The following FRAS1 variants were observed in gnomAD, a reference collection of about 807,000 sequenced individuals.
FRAS1 encodes Fraser extracellular matrix complex subunit 1.
FRAS1 carries 290 observed loss-of-function variants against 435.2 expected under a neutral mutation model. That is an observed-to-expected ratio of 0.67 (90% CI 0.61 to 0.73). The LOEUF is 0.73. FRAS1 is among the 30% of genes least tolerant of loss of function. The pLI, the probability that FRAS1 is intolerant of heterozygous loss-of-function variation, is 0.00. For synonymous variants in FRAS1, 1,800 were observed against 1,851.0 expected (o/e 0.97, Z 0.71); for missense variants, 4,860 against 5,001.5 (o/e 0.97, Z 0.85).
chr4:78,509,396 T>A (rs563068358), intron 63 of FRAS1, among the ~76,000 whole-genome samples: 1 of 152,360 alleles, frequency 6.6e-6, no homozygotes, highest in East Asian at 1.9e-4. Flanking sequence ...TGTTGATTAC[T>A]ATTAATGTAT....
Position 78,489,092 on chromosome 4 carries a change from G to A in FRAS1, c.8958+12G>A. 1 of 1,602,452 alleles carries A rather than the reference G, an allele frequency of 6.2e-7. No homozygotes were observed. The highest frequency in any genetic ancestry group is 2.2e-5 in the East Asian group (1 of 44,708). ...TCAAAGGGGACAAAGTAAGTGGATT[G>A]GTGGTGGCTGAAAGATGAGATTCTC... On this transcript the variant is annotated intron_variant, in intron 59 of 73. Coordinates refer to ENST00000512123, the MANE Select transcript of FRAS1 (RefSeq NM_025074.7).
At chr4:78,138,194 G>A (rs1339207599) in intron 2 of FRAS1, among the ~76,000 whole-genome samples, 2 of 152,188 alleles carry the variant, frequency 1.3e-5, no homozygotes, top group East Asian at 1.9e-4. Flanking sequence ...TGCCCATCAC[G>A]TAATTTTTGC....
chr4:78,499,235 A>G (rs772474303), intron 60 of FRAS1, among the ~76,000 whole-genome samples: 3 of 152,196 alleles, frequency 2.0e-5, no homozygotes, highest in Non-Finnish European at 4.4e-5. Flanking sequence ...GGTCCAAAGG[A>G]CCAGAGGTGA....
chr4:78,265,527 G>C (rs1345209199), intron 7 of FRAS1, among the ~76,000 whole-genome samples: 2 of 152,210 alleles, frequency 1.3e-5, no homozygotes, highest in Non-Finnish European at 2.9e-5. Flanking sequence ...AAACCTGGCG[G>C]TGGTAGAAGA....
At chr4:78,097,247 TC>T (rs1741858023) in intron 2 of FRAS1, among the ~76,000 whole-genome samples, 1 of 152,238 alleles carries the variant, frequency 6.6e-6, no homozygotes, top group African/African-American at 2.4e-5. Context: ...CATATCATTA[TC>T]AGCATTTTGG....
chr4:78,093,276 G>GCCAAAACTGTGCTA (rs1741624710), intron 2 of FRAS1, among the ~76,000 whole-genome samples: 1 of 152,212 alleles, frequency 6.6e-6, no homozygotes, highest in Admixed American at 6.5e-5. Flanking sequence ...AACTGGTAGA[G>GCCAAAACTGTGCTA]CCAAAACTGT....
At chr4:78,315,350 G>A (rs186047829) in intron 15 of FRAS1, among the ~76,000 whole-genome samples, 2 of 152,162 alleles carry the variant, frequency 1.3e-5, no homozygotes, top group Non-Finnish European at 1.5e-5. Flanking sequence ...TTACACTGGT[G>A]GGTGTGCCTG....
chr4:78,093,635 T>C (rs1364989366), intron 2 of FRAS1, among the ~76,000 whole-genome samples: 1 of 152,194 alleles, frequency 6.6e-6, no homozygotes, highest in Non-Finnish European at 1.5e-5. Flanking sequence ...CATTTTATTT[T>C]AAATTTTTTA....
At chr4:78,271,078 A>C (rs531157548) in intron 9 of FRAS1, among the ~76,000 whole-genome samples, 2 of 152,318 alleles carry the variant, frequency 1.3e-5, no homozygotes, top group East Asian at 3.9e-4. Context: ...GCTACCAAAG[A>C]CATCCAGTGC....
intron 2 of FRAS1, among the ~76,000 whole-genome samples, chr4:78,115,088 A>G (rs1452773749): frequency 6.6e-6 from 1 of 151,944 alleles, no homozygotes; most frequent in African/African-American, 2.4e-5. Context: ...TGAGATAATC[A>G]TGTGGTTTTT....
chr4:78,110,446 G>A (rs1261563674), intron 2 of FRAS1, among the ~76,000 whole-genome samples: 3 of 100,598 alleles, frequency 3.0e-5, no homozygotes, highest in African/African-American at 4.3e-5. Flanking sequence ...AAATAATGCC[G>A]CATGTCTACA....
chr4:78,325,933 C>T (rs1363147762), intron 18 of FRAS1, among the ~76,000 whole-genome samples: 1 of 152,090 alleles, frequency 6.6e-6, no homozygotes, highest in Non-Finnish European at 1.5e-5. Context: ...AGTGCAAAGG[C>T]GGGTTTGGAG....
At chr4:78,155,029 A>G (rs549793849) in intron 2 of FRAS1, among the ~76,000 whole-genome samples, 14 of 152,310 alleles carry the variant, frequency 9.2e-5, no homozygotes, top group African/African-American at 3.4e-4. Context: ...TGAGTCAGGC[A>G]TAGGATTGCT....
intron 2 of FRAS1, among the ~76,000 whole-genome samples, chr4:78,195,964 C>CT (rs1028145145): frequency 7.3e-5 from 10 of 137,880 alleles, no homozygotes; most frequent in African/African-American, 1.6e-4. Context: ...TTTTTTTTTA[C>CT]TTTTTTTTAA....
At position 78,438,913 on chromosome 4, in the gene FRAS1, T is replaced by C. The variant is rs1734540873; in HGVS notation, c.5378T>C (p.Val1793Ala). The C allele has an allele frequency of 6.2e-7, 1 of 1,605,800 alleles. No homozygotes were observed. Among genetic ancestry groups the C allele is most frequent in the East Asian group, 2.2e-5 (1 of 44,858 alleles). ...INNKKIRYSA[V>A]FETDGHLVTD... is the part of the protein sequence containing the mutation. ...TTGTTTTTTTATAGATACTCAGCTG[T>C]GTTTGAAACTGATGGTCATCTGGTT... The change falls in exon 40 of 74, where the codon GTG becomes GCG. Residue 1793 changes from valine to alanine, a missense_variant. Physicochemically the swap from Val to Ala is moderately conservative, Grantham distance 64 (BLOSUM62 0). Transcript: ENST00000512123.
chr4:78,205,532 G>C (rs1025257594), intron 2 of FRAS1, among the ~76,000 whole-genome samples: 15 of 152,238 alleles, frequency 9.9e-5, no homozygotes, highest in African/African-American at 3.6e-4. Flanking sequence ...CTCTGAAAGA[G>C]AAATGTTCTT....
intron 67 of FRAS1, among the ~76,000 whole-genome samples, chr4:78,519,978 C>T (rs959755456): frequency 1.3e-5 from 2 of 152,156 alleles, no homozygotes; most frequent in Non-Finnish European, 2.9e-5. Flanking sequence ...GGATTTTAAC[C>T]TTCCGAAGTC....
Position 78,058,002 on chromosome 4 carries a change from A to C in FRAS1, c.-8A>C. 6.2e-7 allele frequency: 1 copy of C among 1,613,618 alleles called. No individual in the cohort carries two copies. The highest frequency in any genetic ancestry group is 8.5e-7 in the Non-Finnish European group (1 of 1,179,690). On this transcript the variant is annotated 5_prime_UTR_variant, in exon 1 of 74. Coordinates refer to ENST00000512123, the MANE Select transcript of FRAS1 (RefSeq NM_025074.7). Reference sequence around the variant, plus strand: ...CTGGGCTCCTCCATCGTGGGTGCCGAGGCGGCGATGGGTGTCCTCAAAGTG... The same window carrying C: ...CTGGGCTCCTCCATCGTGGGTGCCGCGGCGGCGATGGGTGTCCTCAAAGTG...
At chr4:78,502,928 C>T (rs1025145372) in intron 61 of FRAS1, among the ~76,000 whole-genome samples, 1 of 152,062 alleles carries the variant, frequency 6.6e-6, no homozygotes, top group African/African-American at 2.4e-5. Context: ...GCATGAAGAG[C>T]TGTTGAATTT....
Sources: allele counts gnomAD v4.1 joint callset (sites outside exome capture counted in the v4.1 genomes callset), GRCh38; gene constraint gnomAD v4.1.1; transcripts MANE v1.5; gene names NCBI Gene and HGNC (gene_info 2026-07-23, HGNC 2026-07-21).